GOLPH3L: variants seen among roughly 807,000 people sequenced by gnomAD.
The protein encoded by GOLPH3L is Golgi phosphoprotein 3-like.
A neutral mutation model predicts 30.3 loss-of-function variants in GOLPH3L; 22 were observed. That is an observed-to-expected ratio of 0.73 (90% CI 0.52 to 1.04). GOLPH3L has a LOEUF of 1.04. GOLPH3L is among the 50% of genes least tolerant of loss of function. The probability of loss-of-function intolerance (pLI) is 0.00; values close to 1 mark genes in which losing one functional copy is unlikely to be tolerated. For missense variants in GOLPH3L, 303 were observed against 345.8 expected (o/e 0.88, Z 0.98); for synonymous variants, 120 against 128.2 (o/e 0.94, Z 0.43).
intron 2 of GOLPH3L, among the ~76,000 whole-genome samples, chr1:150,668,092 C>A (rs1002269806): frequency 2.2e-4 from 34 of 152,146 alleles, no homozygotes; most frequent in African/African-American, 8.2e-4. Context: ...CCTGGGTGTG[C>A]CCATACATAC....
intron 4 of GOLPH3L, among the ~76,000 whole-genome samples, chr1:150,650,626 T>C (rs184588996): frequency 6.6e-6 from 1 of 152,300 alleles, no homozygotes; most frequent in Non-Finnish European, 1.5e-5. Context: ...GGGAGGGATC[T>C]AGGTTGCATG....
At chr1:150,662,345 C>G (rs1318634682) in intron 3 of GOLPH3L, among the ~76,000 whole-genome samples, 1 of 151,032 alleles carries the variant, frequency 6.6e-6, no homozygotes, top group East Asian at 1.9e-4. Context: ...AATCTTTTCT[C>G]TATTAAAAAA....
intron 2 of GOLPH3L, among the ~76,000 whole-genome samples, chr1:150,673,338 C>T (rs61817594): frequency 1.3e-5 from 2 of 151,672 alleles, no homozygotes; most frequent in Middle Eastern, 3.2e-3. Context: ...CCGAGGCGGG[C>T]GGATCACAAG....
chr1:150,662,138 C>T (rs1261483273), intron 3 of GOLPH3L, among the ~76,000 whole-genome samples: 4 of 151,978 alleles, frequency 2.6e-5, no homozygotes, highest in Admixed American at 2.0e-4. Context: ...TAGTGACAAA[C>T]TGGATATGAA....
intron 2 of GOLPH3L, among the ~76,000 whole-genome samples, chr1:150,679,161 G>T (rs1234383903): frequency 6.6e-6 from 1 of 151,986 alleles, no homozygotes; most frequent in Non-Finnish European, 1.5e-5. Flanking sequence ...ATGTTAAAAG[G>T]GTGATAGTGC....
intron 2 of GOLPH3L, among the ~76,000 whole-genome samples, chr1:150,686,683 C>T (rs1403949104): frequency 6.6e-6 from 1 of 152,048 alleles, no homozygotes; most frequent in African/African-American, 2.4e-5. Context: ...TGGCTGACAG[C>T]AAGTTTATAG....
intron 4 of GOLPH3L, among the ~76,000 whole-genome samples, chr1:150,652,703 A>C (rs917724310): frequency 6.6e-6 from 1 of 152,124 alleles, no homozygotes; most frequent in African/African-American, 2.4e-5. Context: ...TATTTATATA[A>C]TTGTTATTGT....
chr1:150,693,847 A>ATATATTT (rs1557791479), intron 2 of GOLPH3L, among the ~76,000 whole-genome samples: 1 of 27,214 alleles, frequency 3.7e-5, no homozygotes, highest in African/African-American at 1.6e-4. Flanking sequence ...ATATATATAT[A>ATATATTT]TTTTTTTTTT....
At chr1:150,685,871 T>C (rs918793824) in intron 2 of GOLPH3L, among the ~76,000 whole-genome samples, 2 of 117,240 alleles carry the variant, frequency 1.7e-5, no homozygotes, top group Non-Finnish European at 3.6e-5. Flanking sequence ...TTTGTAAGTA[T>C]GTCTTTTTTT....
chr1:150,648,305 A>G lies in GOLPH3L; in HGVS notation c.*16T>C, dbSNP rs368695370. On this transcript the variant is annotated 3_prime_UTR_variant, in exon 5 of 5. Transcript: ENST00000271732. ...CACCAGCCAGCAGGGGAAAAGGAGAAATCCACCTGCCGGCTTTAAGATTTA... is the reference window on the plus strand; with the variant it reads ...CACCAGCCAGCAGGGGAAAAGGAGAGATCCACCTGCCGGCTTTAAGATTTA... 3.5e-5 allele frequency: 55 copies of G among 1,558,784 alleles called. No homozygotes were observed. The highest frequency in any genetic ancestry group is 4.5e-5 in the Non-Finnish European group (51 of 1,145,860).
At chr1:150,669,357 G>A (rs1650587902) in intron 2 of GOLPH3L, among the ~76,000 whole-genome samples, 1 of 152,128 alleles carries the variant, frequency 6.6e-6, no homozygotes, top group Admixed American at 6.6e-5. Context: ...TAGCCTGGAG[G>A]TAAGGGAAAA....
intron 1 of GOLPH3L, among the ~76,000 whole-genome samples, chr1:150,696,292 A>C (rs1045260823): frequency 6.6e-6 from 1 of 152,096 alleles, no homozygotes; most frequent in African/African-American, 2.4e-5. Flanking sequence ...CATTCTTTAA[A>C]GGCCTTGTGA....
chr1:150,657,936 G>T (rs924202158), intron 4 of GOLPH3L, among the ~76,000 whole-genome samples: 1 of 152,216 alleles, frequency 6.6e-6, no homozygotes, highest in Non-Finnish European at 1.5e-5. Context: ...CTAACCAGCT[G>T]CAAAGACAGA....
chr1:150,668,752 T>C (rs1203933169), intron 2 of GOLPH3L, among the ~76,000 whole-genome samples: 2 of 152,190 alleles, frequency 1.3e-5, no homozygotes, highest in African/African-American at 4.8e-5. Context: ...CTTGTTTTTT[T>C]TTATAGTTTA....
intron 1 of GOLPH3L, among the ~76,000 whole-genome samples, chr1:150,695,643 A>G (rs1651334998): frequency 6.6e-6 from 1 of 152,234 alleles, no homozygotes; most frequent in Admixed American, 6.5e-5. Context: ...CAAAAAATAG[A>G]AAGTAAAAAA....
intron 4 of GOLPH3L, among the ~76,000 whole-genome samples, chr1:150,652,446 A>C (rs886438633): frequency 1.1e-4 from 16 of 151,120 alleles, no homozygotes; most frequent in African/African-American, 3.4e-4. Context: ...GGCAAAGAAA[A>C]ATTTCTAAAA....
intron 4 of GOLPH3L, among the ~76,000 whole-genome samples, chr1:150,655,857 TCTC>T (rs1321950124): frequency 1.3e-5 from 2 of 152,206 alleles, no homozygotes; most frequent in Admixed American, 1.3e-4. Flanking sequence ...AGGACGGCCT[TCTC>T]CTACTACAAT....
chr1:150,667,733 C>A (rs1650541517), intron 2 of GOLPH3L, among the ~76,000 whole-genome samples: 1 of 151,878 alleles, frequency 6.6e-6, no homozygotes, highest in South Asian at 2.1e-4. Flanking sequence ...GCTGGGACTA[C>A]AGGCGCCCGC....
intron 2 of GOLPH3L, among the ~76,000 whole-genome samples, chr1:150,674,553 G>A (rs868174492): frequency 1.7e-4 from 26 of 152,048 alleles, no homozygotes; most frequent in Admixed American, 3.9e-4. Flanking sequence ...GTGAACCACC[G>A]CACTCGGCCT....
Sources: allele counts gnomAD v4.1 joint callset (sites outside exome capture counted in the v4.1 genomes callset), GRCh38; gene constraint gnomAD v4.1.1; transcripts MANE v1.5; gene names NCBI Gene and HGNC (gene_info 2026-07-23, HGNC 2026-07-21).